The following NCAM2 variants were observed in gnomAD, a reference collection of about 807,000 sequenced individuals.
The protein encoded by NCAM2 is neural cell adhesion molecule 2.
A neutral mutation model predicts 98.1 loss-of-function variants in NCAM2; 30 were observed. The observed-to-expected ratio is 0.31, with a 90% CI of 0.23 to 0.41. NCAM2 has a LOEUF of 0.41. Ranked by LOEUF, NCAM2 falls within the 10% of genes least tolerant of loss-of-function variation. The probability of loss-of-function intolerance (pLI) is 1.00; values close to 1 mark genes in which losing one functional copy is unlikely to be tolerated. For missense variants in NCAM2, 867 were observed against 1,005.8 expected (o/e 0.86, Z 1.87); for synonymous variants, 368 against 342.4 (o/e 1.07, Z -0.83).
intron 1 of NCAM2, among the ~76,000 whole-genome samples, chr21:21,082,680 A>C (rs2065832202): frequency 6.6e-6 from 1 of 152,294 alleles, no homozygotes; most frequent in South Asian, 2.1e-4. Flanking sequence ...TTTGATGCCA[A>C]CTGAAGGTTT....
chr21:21,303,069 A>G (rs1287805319), intron 5 of NCAM2, among the ~76,000 whole-genome samples: 1 of 152,058 alleles, frequency 6.6e-6, no homozygotes, highest in Non-Finnish European at 1.5e-5. Flanking sequence ...GAACCTCCGC[A>G]TGGGAACCAT....
At chr21:21,330,329 T>A (rs571377256) in intron 6 of NCAM2, among the ~76,000 whole-genome samples, 12 of 152,114 alleles carry the variant, frequency 7.9e-5, no homozygotes, top group Non-Finnish European at 1.6e-4. Context: ...TTTTGATATG[T>A]CATATTTCCA....
intron 1 of NCAM2, chr21:21,147,299 T>TA (rs71656215): frequency 0.27 from 261,636 of 967,876 alleles, 35,091 homozygotes; most frequent in East Asian, 0.45. Context: ...TACAACATGC[T>TA]AAAAAAAAGA....
intron 15 of NCAM2, among the ~76,000 whole-genome samples, chr21:21,482,385 A>G (rs2146281885): frequency 6.6e-6 from 1 of 152,234 alleles, no homozygotes; most frequent in Admixed American, 6.5e-5. Context: ...CATATTAGAA[A>G]TAAGTTATCT....
At position 21,168,037 on chromosome 21, in the gene NCAM2, A is replaced by C. The variant is rs60488248; in HGVS notation, c.56-112541A>C. Among the ~76,000 whole-genome samples the C allele has an allele frequency of 1.6e-3, 241 of 152,276 alleles. 1 individual carries two copies. The highest frequency in any genetic ancestry group is 5.7e-3 in the African/African-American group (236 of 41,572). ...CTACAGTCCAACATAGCGCATAAAC[A>C]TAGACGCAAAAATCCTCAACAAAAT... On this transcript the variant is annotated intron_variant, in intron 1 of 17. Transcript: ENST00000400546.
At chr21:21,066,248 C>T (rs1448110942) in intron 1 of NCAM2, among the ~76,000 whole-genome samples, 18 of 152,122 alleles carry the variant, frequency 1.2e-4, no homozygotes. Context: ...GTCAGAGTTT[C>T]GTCTTTGAAT....
intron 12 of NCAM2, among the ~76,000 whole-genome samples, chr21:21,450,292 G>C (rs1490163962): frequency 6.6e-6 from 1 of 151,506 alleles, no homozygotes; most frequent in Non-Finnish European, 1.5e-5. Flanking sequence ...ATATATGCGT[G>C]TGTGTGTGTT....
chr21:21,487,756 T>C (rs1420292470), intron 15 of NCAM2, among the ~76,000 whole-genome samples: 2 of 152,124 alleles, frequency 1.3e-5, no homozygotes, highest in Non-Finnish European at 2.9e-5. Flanking sequence ...CAATCAAAAC[T>C]ATAATTACTC....
chr21:21,062,578 C>T (rs538490348), intron 1 of NCAM2, among the ~76,000 whole-genome samples: 7 of 152,302 alleles, frequency 4.6e-5, no homozygotes, highest in Non-Finnish European at 8.8e-5. Context: ...ATATCTTGAT[C>T]TCAGACTTGT....
intron 1 of NCAM2, among the ~76,000 whole-genome samples, chr21:21,134,723 T>C (rs1468330585): frequency 6.6e-6 from 1 of 151,162 alleles, no homozygotes; most frequent in Non-Finnish European, 1.5e-5. Context: ...TTTTTTTTTT[T>C]TTCCTGAGTT....
At chr21:21,327,011 A>G (rs1422462021) in intron 6 of NCAM2, among the ~76,000 whole-genome samples, 1 of 152,218 alleles carries the variant, frequency 6.6e-6, no homozygotes, top group African/African-American at 2.4e-5. Flanking sequence ...AGTCAGTTGT[A>G]CTAGTCAGCT....
chr21:21,176,192 T>C (rs1462726593), intron 1 of NCAM2, among the ~76,000 whole-genome samples: 1 of 152,226 alleles, frequency 6.6e-6, no homozygotes, highest in Non-Finnish European at 1.5e-5. Flanking sequence ...AGGCTATTTG[T>C]ATTACTGTGT....
intron 12 of NCAM2, among the ~76,000 whole-genome samples, chr21:21,437,184 T>G (rs184254434): frequency 1.1e-4 from 16 of 152,230 alleles, no homozygotes; most frequent in Non-Finnish European, 1.8e-4. Flanking sequence ...TGAGCTACAG[T>G]TCAGGCTCCA....
At chr21:21,470,658 A>G (rs1984326855) in intron 14 of NCAM2, among the ~76,000 whole-genome samples, 1 of 151,976 alleles carries the variant, frequency 6.6e-6, no homozygotes, top group South Asian at 2.1e-4. Context: ...ACGCCAATAA[A>G]AGTATGTCCT....
intron 6 of NCAM2, among the ~76,000 whole-genome samples, chr21:21,334,410 C>T (rs1369021573): frequency 6.6e-6 from 1 of 152,028 alleles, no homozygotes; most frequent in Non-Finnish European, 1.5e-5. Context: ...AAAGTAGAAC[C>T]AGAATTCACT....
At chr21:21,011,876 C>CA (rs1026032713) in intron 1 of NCAM2, among the ~76,000 whole-genome samples, 1 of 151,670 alleles carries the variant, frequency 6.6e-6, no homozygotes, top group Admixed American at 6.6e-5. Context: ...CAAAGGCATA[C>CA]AAAAAAATGC....
chr21:21,233,093 T>C (rs1000861271), intron 1 of NCAM2, among the ~76,000 whole-genome samples: 1 of 151,648 alleles, frequency 6.6e-6, no homozygotes, highest in Non-Finnish European at 1.5e-5. Flanking sequence ...TTTTTTTCTG[T>C]GACTTCCTTC....
At chr21:21,401,026 C>T (rs1003929465) in intron 9 of NCAM2, among the ~76,000 whole-genome samples, 1 of 152,010 alleles carries the variant, frequency 6.6e-6, no homozygotes, top group Non-Finnish European at 1.5e-5. Context: ...GAAAAAAAGG[C>T]CAAACTTAAA....
chr21:21,272,508 G>GCGCA (rs1413165274), intron 1 of NCAM2, among the ~76,000 whole-genome samples: 1 of 149,598 alleles, frequency 6.7e-6, no homozygotes, highest in East Asian at 2.0e-4. Context: ...GCGCGCGCGC[G>GCGCA]CACACACACA....
Sources: allele counts gnomAD v4.1 joint callset (sites outside exome capture counted in the v4.1 genomes callset), GRCh38; gene constraint gnomAD v4.1.1; transcripts MANE v1.5; gene names NCBI Gene and HGNC (gene_info 2026-07-23, HGNC 2026-07-21).